Variants in STK4 observed in about 807,000 individuals in gnomAD.
STK4 encodes serine/threonine-protein kinase 4.
STK4 carries 30 observed loss-of-function variants against 64.9 expected under a neutral mutation model. The ratio of observed to expected loss-of-function variants is 0.46; its 90% confidence interval spans 0.35 to 0.63. The LOEUF (loss-of-function observed/expected upper bound fraction) is 0.63, where lower values mean the gene tolerates loss of function less well. Ranked by LOEUF, STK4 falls within the 20% of genes least tolerant of loss-of-function variation. The pLI is 0.01. For missense variants in STK4, 466 were observed against 598.5 expected (o/e 0.78, Z 2.31); for synonymous variants, 177 against 199.0 (o/e 0.89, Z 0.93).
At chr20:44,997,860 T>A (rs2067764043) in intron 7 of STK4, among the ~76,000 whole-genome samples, 1 of 152,218 alleles carries the variant, frequency 6.6e-6, no homozygotes, top group Non-Finnish European at 1.5e-5. Flanking sequence ...GAGTACCTGC[T>A]GTCCGCCACA....
intron 10 of STK4, among the ~76,000 whole-genome samples, chr20:45,032,012 TG>T (rs1459924127): frequency 6.6e-6 from 1 of 151,918 alleles, no homozygotes; most frequent in African/African-American, 2.4e-5. Context: ...ATCTAGAAGA[TG>T]TAAGTCATGC....
At chr20:44,998,631 G>A (rs1252447372) in intron 7 of STK4, among the ~76,000 whole-genome samples, 1 of 152,152 alleles carries the variant, frequency 6.6e-6, no homozygotes, top group Non-Finnish European at 1.5e-5. Context: ...TGTCTATGAT[G>A]TGATGGAGAA....
At chr20:44,978,867 C>T (rs1474449040) in intron 3 of STK4, among the ~76,000 whole-genome samples, 1 of 149,246 alleles carries the variant, frequency 6.7e-6, no homozygotes, top group Admixed American at 6.7e-5. Flanking sequence ...GGTGCAATCT[C>T]GGCTCATTGC....
At chr20:45,002,535 C>T (rs1178123493) in intron 9 of STK4, among the ~76,000 whole-genome samples, 1 of 151,946 alleles carries the variant, frequency 6.6e-6, no homozygotes, top group East Asian at 1.9e-4. Context: ...TGTAATTCTC[C>T]CTTTTGGATT....
intron 9 of STK4, among the ~76,000 whole-genome samples, chr20:45,016,451 C>T (rs2145359801): frequency 6.6e-6 from 1 of 152,286 alleles, no homozygotes; most frequent in South Asian, 2.1e-4. Context: ...AGGTTTTTCT[C>T]ACAGTTTCAA....
chr20:45,044,851 TG>T (rs2145425702), intron 10 of STK4, among the ~76,000 whole-genome samples: 1 of 152,316 alleles, frequency 6.6e-6, no homozygotes, highest in Non-Finnish European at 1.5e-5. Flanking sequence ...GTTTGTGATC[TG>T]TAAAAATTAA....
At chr20:44,986,556 C>G (rs2067533408) in intron 4 of STK4, among the ~76,000 whole-genome samples, 1 of 152,186 alleles carries the variant, frequency 6.6e-6, no homozygotes, top group Non-Finnish European at 1.5e-5. Flanking sequence ...GGTTTTGACT[C>G]TGGCTTACAT....
At chr20:45,015,418 T>C (rs1366294363) in intron 9 of STK4, among the ~76,000 whole-genome samples, 1 of 152,246 alleles carries the variant, frequency 6.6e-6, no homozygotes, top group Non-Finnish European at 1.5e-5. Flanking sequence ...CTGCAAGTAT[T>C]TTAACACTTC....
chr20:45,068,527 T>G (rs1167480848), intron 10 of STK4, among the ~76,000 whole-genome samples: 2 of 152,184 alleles, frequency 1.3e-5, no homozygotes, highest in African/African-American at 4.8e-5. Flanking sequence ...TTGCCTAAAG[T>G]CACCCGTTAC....
At chr20:44,973,364 A>G (rs554958747) in intron 2 of STK4, 1 of 152,356 alleles carries the variant, frequency 6.6e-6, no homozygotes, top group South Asian at 2.1e-4. Context: ...AAAATGACAC[A>G]CCAGCTGTGC....
intron 9 of STK4, among the ~76,000 whole-genome samples, chr20:45,009,563 C>T (rs780035060): frequency 2.1e-4 from 32 of 152,044 alleles, no homozygotes; most frequent in African/African-American, 3.6e-4. Context: ...TTTCTAGTTC[C>T]GTGAAGAATG....
intron 9 of STK4, among the ~76,000 whole-genome samples, chr20:45,015,597 G>C (rs1006942240): frequency 2.6e-5 from 4 of 152,156 alleles, no homozygotes; most frequent in African/African-American, 9.7e-5. Context: ...GAAAACATTT[G>C]ATTTTGTTGG....
At chr20:44,968,674 A>G (rs1356291200) in intron 1 of STK4, among the ~76,000 whole-genome samples, 5 of 152,244 alleles carry the variant, frequency 3.3e-5, no homozygotes, top group East Asian at 1.9e-4. Flanking sequence ...GCCTTGTCTT[A>G]CATAATCTTG....
chr20:44,968,365 C>T (rs1276115577), intron 1 of STK4, among the ~76,000 whole-genome samples: 1 of 152,214 alleles, frequency 6.6e-6, no homozygotes, highest in Non-Finnish European at 1.5e-5. Context: ...TCTCTATCTC[C>T]TGACCTCGTG....
chr20:45,053,623 C>CT lies in STK4; in HGVS notation c.1306-21394dup, dbSNP rs1263592111. Reference sequence around the variant, plus strand: ...CATAGTTAACTTCTGTGTGGCTTCACTGTAAGCACAGGTGACAGATGGGCA... The same window carrying CT: ...CATAGTTAACTTCTGTGTGGCTTCACTTGTAAGCACAGGTGACAGATGGGCA... On this transcript the variant is annotated intron_variant, in intron 10 of 10. Transcript: ENST00000372806. Among the ~76,000 whole-genome samples, 3 of 152,186 alleles carry CT rather than the reference C, an allele frequency of 2.0e-5. No homozygotes were observed. The East Asian group carries it at 5.8e-4, about 29-fold the overall frequency.
intron 3 of STK4, among the ~76,000 whole-genome samples, chr20:44,981,449 CTGGCCCTGTATCATTATTTCTTAA>C (rs1774949458): frequency 1.3e-5 from 2 of 152,190 alleles, no homozygotes; most frequent in South Asian, 4.1e-4. Context: ...GCCACTGCAC[CTGGCCCTGTATCATTATTTCTTAA>C]ATAAACTCCC....
Position 44,998,412 on chromosome 20 carries a change from A to G in STK4, c.831+1106A>G, listed in dbSNP as rs564605123. On this transcript the variant is annotated intron_variant, in intron 7 of 10. Coordinates refer to ENST00000372806, the MANE Select transcript of STK4 (RefSeq NM_006282.5). ...GATATAATGTGTGTTACTTTGAACA[A>G]TGTTCACATGTATTGAAGACAGTAT... Among the ~76,000 whole-genome samples the G allele has an allele frequency of 5.9e-5, 9 of 152,322 alleles. No homozygotes were observed. In the East Asian group the frequency reaches 9.6e-4, roughly 16 times the overall value.
chr20:44,979,707 T>A (rs957375640), intron 3 of STK4, among the ~76,000 whole-genome samples: 2 of 152,196 alleles, frequency 1.3e-5, no homozygotes, highest in African/African-American at 4.8e-5. Context: ...ACCAAAAAAT[T>A]AGTCCAGAAG....
At chr20:44,968,930 T>C (rs184371282) in intron 1 of STK4, among the ~76,000 whole-genome samples, 1 of 152,294 alleles carries the variant, frequency 6.6e-6, no homozygotes, top group East Asian at 1.9e-4. Context: ...ATTTATTCTC[T>C]CACTGTTCTG....
Sources: allele counts gnomAD v4.1 joint callset (sites outside exome capture counted in the v4.1 genomes callset), GRCh38; gene constraint gnomAD v4.1.1; transcripts MANE v1.5; gene names NCBI Gene and HGNC (gene_info 2026-07-23, HGNC 2026-07-21).